Variants in SMARCC1 observed in about 807,000 individuals in gnomAD.
SMARCC1 encodes SWI/SNF complex subunit SMARCC1.
Under a neutral mutation model 147.4 loss-of-function variants are expected in SMARCC1, and 43 were observed. That is an observed-to-expected ratio of 0.29 (90% CI 0.23 to 0.38). The LOEUF is 0.38. Among genes scored for constraint, SMARCC1 ranks in the 10% least tolerant of loss-of-function variants. The pLI, the probability that SMARCC1 is intolerant of heterozygous loss-of-function variation, is 1.00. For missense variants in SMARCC1, 1,119 were observed against 1,381.1 expected (o/e 0.81, Z 3.01); for synonymous variants, 495 against 484.4 (o/e 1.02, Z -0.29).
intron 24 of SMARCC1, among the ~76,000 whole-genome samples, chr3:47,628,941 A>C (rs183022243): frequency 2.6e-5 from 4 of 152,262 alleles, no homozygotes; most frequent in African/African-American, 9.6e-5. Flanking sequence ...AGTAGAATGC[A>C]GGCCAAGACA....
chr3:47,761,265 G>GT (rs1393544483), intron 2 of SMARCC1, among the ~76,000 whole-genome samples: 3 of 151,892 alleles, frequency 2.0e-5, no homozygotes, highest in African/African-American at 7.3e-5. Flanking sequence ...CCATACCACT[G>GT]TACTTTAGCC....
At chr3:47,716,476 G>T (rs1443171702) in intron 7 of SMARCC1, among the ~76,000 whole-genome samples, 1 of 146,440 alleles carries the variant, frequency 6.8e-6, no homozygotes, top group Non-Finnish European at 1.5e-5. Context: ...ATTAGAAATT[G>T]AAATGTGGGG....
intron 10 of SMARCC1, among the ~76,000 whole-genome samples, chr3:47,705,320 T>C (rs1484893620): frequency 2.6e-5 from 1 of 39,122 alleles, no homozygotes; most frequent in Non-Finnish European, 6.7e-5. Context: ...CGAGACTCCG[T>C]CTCAAAAAAA....
chr3:47,622,860 G>A (rs116140655), intron 24 of SMARCC1, among the ~76,000 whole-genome samples: 129 of 152,212 alleles, frequency 8.5e-4, no homozygotes, highest in African/African-American at 2.8e-3. Context: ...TCCATAGCTG[G>A]AAAAATAAAT....
chr3:47,734,526 A>G (rs1444270344), intron 5 of SMARCC1, among the ~76,000 whole-genome samples: 17 of 152,340 alleles, frequency 1.1e-4, no homozygotes, highest in Admixed American at 1.0e-3. Context: ...TTCTCAACCA[A>G]TTCTAAGGAT....
At chr3:47,688,200 T>A (rs2033751454) in intron 13 of SMARCC1, among the ~76,000 whole-genome samples, 1 of 151,940 alleles carries the variant, frequency 6.6e-6, no homozygotes, top group Non-Finnish European at 1.5e-5. Flanking sequence ...GCGGAGGTTG[T>A]GGTGAGCCTA....
At chr3:47,772,581 A>C (rs774350651) in intron 2 of SMARCC1, among the ~76,000 whole-genome samples, 13 of 152,188 alleles carry the variant, frequency 8.5e-5, no homozygotes, top group Non-Finnish European at 1.9e-4. Context: ...ACATAGTAAA[A>C]TATTGTTAGG....
intron 2 of SMARCC1, among the ~76,000 whole-genome samples, chr3:47,754,605 A>C (rs1476977468): frequency 6.6e-6 from 1 of 152,198 alleles, no homozygotes; most frequent in East Asian, 1.9e-4. Flanking sequence ...ATAAACATGT[A>C]GAAATGTTGG....
intron 9 of SMARCC1, among the ~76,000 whole-genome samples, chr3:47,709,266 A>AG (rs1438196000): frequency 6.6e-6 from 1 of 150,552 alleles, no homozygotes; most frequent in East Asian, 1.9e-4. Context: ...TTGTCAAGGG[A>AG]AAAAAAAAAT....
At chr3:47,696,898 T>TA (rs1245123427) in intron 11 of SMARCC1, among the ~76,000 whole-genome samples, 1 of 152,178 alleles carries the variant, frequency 6.6e-6, no homozygotes, top group African/African-American at 2.4e-5. Flanking sequence ...TCTCACTCCT[T>TA]AGCCCAGGCT....
At chr3:47,737,973 A>C in intron 4 of SMARCC1, 56 bp downstream of exon 4, 1 of 1,352,946 alleles carries the variant, frequency 7.4e-7, no homozygotes, top group Non-Finnish European at 1.0e-6. Context: ...AGCCAATCTT[A>C]AAACTGAAAA....
intron 4 of SMARCC1, among the ~76,000 whole-genome samples, chr3:47,736,766 A>T (rs1220142634): frequency 1.3e-5 from 2 of 152,148 alleles, no homozygotes; most frequent in Admixed American, 6.6e-5. Flanking sequence ...CCAAATCATG[A>T]AGAAAACCCT....
chr3:47,690,919 A>G (rs983264570), intron 12 of SMARCC1, among the ~76,000 whole-genome samples: 3 of 152,230 alleles, frequency 2.0e-5, no homozygotes, highest in African/African-American at 7.2e-5. Context: ...ACTAACAGAA[A>G]GAAATCTAGG....
chr3:47,753,419 AAAAGAC>A (rs1274870666), intron 2 of SMARCC1, among the ~76,000 whole-genome samples: 1 of 151,574 alleles, frequency 6.6e-6, no homozygotes, highest in African/African-American at 2.4e-5. Context: ...ATTTATTCAT[AAAAGAC>A]AAAGTAGGCC....
At chr3:47,623,560 C>T (rs1393035590) in intron 24 of SMARCC1, among the ~76,000 whole-genome samples, 1 of 152,140 alleles carries the variant, frequency 6.6e-6, no homozygotes, top group Non-Finnish European at 1.5e-5. Context: ...GGTTTTATAG[C>T]TATTAATGAT....
chr3:47,679,690 A>C (rs543543448), intron 15 of SMARCC1, among the ~76,000 whole-genome samples: 137 of 151,844 alleles, frequency 9.0e-4, no homozygotes, highest in African/African-American at 3.2e-3. Context: ...GGTGAAACCC[A>C]ATCTCTACTA....
rs898183648 is a variant in SMARCC1 at position 47,717,249 on chromosome 3, A to G, written c.717-2759T>C. On this transcript the variant is annotated intron_variant, in intron 7 of 27. Transcript: ENST00000254480. ...TCCTCCCCAATTAAAATGGAATCTG[A>G]CTAACCTTAGATCCGGCTACCAATT... is the stretch of plus-strand genomic sequence containing the variant. Among the ~76,000 whole-genome samples the G allele has an allele frequency of 4.6e-5, 7 of 152,206 alleles. No individual in the cohort carries two copies. The East Asian group carries it at 1.3e-3, about 29-fold the overall frequency.
intron 21 of SMARCC1, among the ~76,000 whole-genome samples, chr3:47,661,088 A>G (rs2033339664): frequency 6.6e-6 from 1 of 152,238 alleles, no homozygotes; most frequent in Non-Finnish European, 1.5e-5. Context: ...CAACTGTAAT[A>G]CCATTAACAG....
chr3:47,677,758 G>A (rs59934874), intron 16 of SMARCC1, among the ~76,000 whole-genome samples: 117 of 151,950 alleles, frequency 7.7e-4, no homozygotes, highest in African/African-American at 2.7e-3. Flanking sequence ...GGCCAGGCTC[G>A]AACTCCTGAC....
Sources: gnomAD v4.1 joint callset for allele counts (sites outside exome capture counted in the v4.1 genomes callset) on GRCh38, gnomAD v4.1.1 for gene constraint, MANE v1.5 for transcripts, NCBI Gene and HGNC (gene_info 2026-07-23, HGNC 2026-07-21) for gene names.